CLEC16A: variants seen among roughly 807,000 people sequenced by gnomAD.
CLEC16A encodes the protein protein CLEC16A.
A neutral mutation model predicts 109.5 loss-of-function variants in CLEC16A; 51 were observed. The ratio of observed to expected loss-of-function variants is 0.47; its 90% CI spans 0.37 to 0.59. The LOEUF is 0.59. CLEC16A is among the 20% of genes least tolerant of loss of function. The pLI, the probability that CLEC16A is intolerant of heterozygous loss-of-function variation, is 0.00. For missense variants in CLEC16A, 1,339 were observed against 1,394.0 expected (o/e 0.96, Z 0.63); for synonymous variants, 673 against 564.2 (o/e 1.19, Z -2.73).
chr16:11,075,400 G>GTGTCTC (rs1555478864), intron 19 of CLEC16A, among the ~76,000 whole-genome samples: 1 of 136,168 alleles, frequency 7.3e-6, no homozygotes, highest in African/African-American at 2.9e-5. Flanking sequence ...GTGTGTGTGT[G>GTGTCTC]TGTGTGTGTG....
chr16:11,155,576 C>T (rs1378220790), intron 22 of CLEC16A, among the ~76,000 whole-genome samples: 4 of 152,274 alleles, frequency 2.6e-5, no homozygotes, highest in African/African-American at 9.6e-5. Flanking sequence ...GAAGCTTGTT[C>T]TGTGCTGTTA....
intron 20 of CLEC16A, 49 bp downstream of exon 20, chr16:11,120,815 C>CAA: frequency 2.4e-6 from 2 of 850,300 alleles, no homozygotes; most frequent in Non-Finnish European, 3.1e-6. Flanking sequence ...GCTACAAACA[C>CAA]ACACACACAC....
chr16:11,134,780 A>G (rs1214614622), intron 22 of CLEC16A, among the ~76,000 whole-genome samples: 5 of 152,222 alleles, frequency 3.3e-5, no homozygotes, highest in South Asian at 2.1e-4. Context: ...GCTACTTCGC[A>G]TGGCAGCTCT....
At chr16:10,974,271 G>A (rs947257821) in intron 7 of CLEC16A, among the ~76,000 whole-genome samples, 2 of 152,042 alleles carry the variant, frequency 1.3e-5, no homozygotes, top group African/African-American at 4.8e-5. Flanking sequence ...GCAACTATGT[G>A]ACTCTACCAA....
chr16:11,180,093 A>G lies in CLEC16A; in HGVS notation c.*1403A>G, dbSNP rs2068911573. On this transcript the variant is annotated 3_prime_UTR_variant, in exon 24 of 24. Transcript: ENST00000409790. ...GCCAGCAGATGTGCCCACCAGGGGC[A>G]TTAGGTATCCGCCGGAGCCTGGCCA... The G allele has an allele frequency of 6.6e-6, 1 of 152,264 alleles. No individual in the cohort carries two copies. Among genetic ancestry groups the G allele is most frequent in the Non-Finnish European group, 1.5e-5 (1 of 68,124 alleles). The allele number at this position is 152,264 out of a possible 1,614,324, so 9.4% of individuals were successfully genotyped here. A position where few individuals can be genotyped will look rare whatever the true frequency, so the allele number is the denominator to read the frequency against.
intron 19 of CLEC16A, among the ~76,000 whole-genome samples, chr16:11,100,035 G>A (rs1307506095): frequency 6.6e-6 from 1 of 152,070 alleles, no homozygotes; most frequent in Non-Finnish European, 1.5e-5. Context: ...GTCTGACCAC[G>A]GTGGCTCTGC....
intron 19 of CLEC16A, among the ~76,000 whole-genome samples, chr16:11,114,955 CTCTCACTGTGT>C (rs1027804357): frequency 6.6e-6 from 1 of 152,250 alleles, no homozygotes; most frequent in Non-Finnish European, 1.5e-5. Flanking sequence ...CTTATGAAAT[CTCTCACTGTGT>C]TCTCACAGGG....
At chr16:11,135,250 T>C (rs2053488625) in intron 22 of CLEC16A, among the ~76,000 whole-genome samples, 1 of 152,170 alleles carries the variant, frequency 6.6e-6, no homozygotes, top group South Asian at 2.1e-4. Flanking sequence ...GGGTCTCCTG[T>C]TTGCCAAGCC....
rs773172104 is a variant in CLEC16A at position 11,039,814 on chromosome 16, C to G, written c.1598C>G (p.Thr533Ser). 9.9e-6 allele frequency: 16 copies of G among 1,611,584 alleles called. No individual in the cohort carries two copies. The highest frequency in any genetic ancestry group is 1.4e-5 in the Non-Finnish European group (16 of 1,178,982). The stretch of plus-strand genomic sequence containing the variant: ...CCCGTGCCAAATGCGGCCGAGAAGA[C>G]CACCTACAACCACCCGCTAGCTGAA... ...QLPVPNAAEK[T>S]TYNHPLAERL... Residue 533 changes from threonine to serine, a missense_variant, in exon 14 of 24, where the codon ACC becomes AGC. By Grantham distance (58) the Thr-to-Ser change is moderately conservative. This residue lies in a region of CLEC16A where 1,061 missense variants were observed against 1,006.8 expected (regional missense o/e 1.05). Coordinates refer to ENST00000409790, the MANE Select transcript of CLEC16A (RefSeq NM_015226.3).
intron 11 of CLEC16A, among the ~76,000 whole-genome samples, chr16:11,006,601 A>AT (rs2045031309): frequency 6.6e-6 from 1 of 152,176 alleles, no homozygotes; most frequent in Non-Finnish European, 1.5e-5. Context: ...TAGTAGTGAA[A>AT]TTTTGACTTT....
chr16:11,010,958 C>T (rs1190687400), intron 11 of CLEC16A, among the ~76,000 whole-genome samples: 1 of 152,144 alleles, frequency 6.6e-6, no homozygotes, highest in East Asian at 1.9e-4. Context: ...GCGTTCTTGG[C>T]TGGAACACGG....
At chr16:10,971,819 T>C (rs2042804510) in intron 5 of CLEC16A, among the ~76,000 whole-genome samples, 3 of 152,248 alleles carry the variant, frequency 2.0e-5, no homozygotes, top group African/African-American at 7.2e-5. Flanking sequence ...TGAACTGGAA[T>C]TGCCCTTCCA....
chr16:11,178,806 C>G lies in CLEC16A; in HGVS notation c.*116C>G. On this transcript the variant is annotated 3_prime_UTR_variant, in exon 24 of 24. Transcript: ENST00000409790. The surrounding 1 kb of genome is among the most constrained non-coding windows in gnomAD (Gnocchi z 6.5). ...ATTCTGTGCGGCCCCCAGCAGCCAT[C>G]TCAACCACCTATCCCTGCGCTCCCT... The G allele has an allele frequency of 4.1e-6, 3 of 733,958 alleles. No homozygotes were observed. Among genetic ancestry groups the G allele is most frequent in the Non-Finnish European group, 2.1e-6 (1 of 465,392 alleles). 45.5% of individuals were successfully genotyped at this position (733,958 alleles called of 1,614,324 possible).
chr16:11,131,615 G>T (rs1000243284), intron 22 of CLEC16A, among the ~76,000 whole-genome samples: 5 of 152,162 alleles, frequency 3.3e-5, no homozygotes. Context: ...AGGGCTTAGT[G>T]ACATGACAAA....
intron 19 of CLEC16A, among the ~76,000 whole-genome samples, chr16:11,103,568 A>G (rs2051045768): frequency 1.3e-5 from 2 of 152,124 alleles, no homozygotes; most frequent in African/African-American, 2.4e-5. Flanking sequence ...CAACACAACA[A>G]AACTCCGTCT....
intron 13 of CLEC16A, among the ~76,000 whole-genome samples, chr16:11,026,564 G>T (rs577012956): frequency 6.6e-6 from 1 of 151,006 alleles, no homozygotes; most frequent in Admixed American, 6.6e-5. Context: ...ATTTTGGCTA[G>T]AGGATTATTA....
rs117670216 is a variant in CLEC16A, at chr16:11,112,666, C to A, written c.2117-7949C>A. Among the ~76,000 whole-genome samples, 95 of 152,012 alleles carry A rather than the reference C, an allele frequency of 6.2e-4. No individual in the cohort carries two copies. In the East Asian group the frequency reaches 0.014, roughly 23 times the overall value. ...GGTGACAGACCTATCTCAGTCAATA[C>A]ATACATACATACATACACACACACA... On this transcript the variant is annotated intron_variant, in intron 19 of 23. Transcript: ENST00000409790.
At chr16:11,101,397 C>G (rs1220604994) in intron 19 of CLEC16A, among the ~76,000 whole-genome samples, 2 of 152,244 alleles carry the variant, frequency 1.3e-5, no homozygotes, top group East Asian at 3.8e-4. Flanking sequence ...GTTTCCCAAA[C>G]TCACCATGTT....
chr16:11,135,224 C>G (rs1438030063), intron 22 of CLEC16A, among the ~76,000 whole-genome samples: 1 of 152,202 alleles, frequency 6.6e-6, no homozygotes, highest in East Asian at 1.9e-4. Flanking sequence ...AAAATCAGCC[C>G]TGAGCTGAGT....
Sources: gnomAD v4.1 joint callset for allele counts (sites outside exome capture counted in the v4.1 genomes callset) on GRCh38, gnomAD v4.1.1 for gene constraint, gnomAD v4.1.1 regional missense constraint, Gnocchi (gnomAD v3.1) non-coding constraint, MANE v1.5 for transcripts, NCBI Gene and HGNC (gene_info 2026-07-23, HGNC 2026-07-21) for gene names.